PPP1R16B: variants seen among roughly 807,000 people sequenced by gnomAD.
PPP1R16B encodes the protein protein phosphatase 1 regulatory subunit 16B, also known as protein phosphatase 1 regulatory inhibitor subunit 16B.
Under a neutral mutation model 61.7 loss-of-function variants are expected in PPP1R16B, and 14 were observed. That is an observed-to-expected ratio of 0.23 (90% CI 0.15 to 0.35). The LOEUF (loss-of-function observed/expected upper bound fraction) is 0.35. Among genes scored for constraint, PPP1R16B ranks in the 10% least tolerant of loss-of-function variants. The pLI is 1.00. For synonymous variants in PPP1R16B, 266 were observed against 305.3 expected (o/e 0.87, Z 1.34); for missense variants, 547 against 752.5 (o/e 0.73, Z 3.19).
rs1215319279 is a variant in PPP1R16B at position 38,837,548 on chromosome 20, C to CT, written c.250+1384dup. 3.3e-3 allele frequency among the ~76,000 whole-genome samples: 386 copies of CT among 117,414 alleles called. 1 individual carries two copies. Among genetic ancestry groups the CT allele is most frequent in the Middle Eastern group, 5.2e-3 (1 of 192 alleles). The allele number at this position is 117,414 out of a possible 152,430, so 77.0% of individuals were successfully genotyped here. A position where few individuals can be genotyped will look rare whatever the true frequency, so the allele number is the denominator to read the frequency against. On this transcript the variant is annotated intron_variant, in intron 2 of 10. Transcript: ENST00000299824. ...CCAGATTTTTTTCTTTTTTTTTTTTCTTTTTTTTTTTGAGACAGAGTCTCA... is the reference window on the plus strand; with the variant it reads ...CCAGATTTTTTTCTTTTTTTTTTTTCTTTTTTTTTTTTGAGACAGAGTCTCA...
chr20:38,821,824 C>A (rs2084775011), intron 1 of PPP1R16B, among the ~76,000 whole-genome samples: 2 of 152,026 alleles, frequency 1.3e-5, no homozygotes, highest in Non-Finnish European at 2.9e-5. Flanking sequence ...ATTTCCAACA[C>A]CTGGGTCACC....
At chr20:38,910,081 C>T (rs192361632) in intron 10 of PPP1R16B, among the ~76,000 whole-genome samples, 3 of 151,518 alleles carry the variant, frequency 2.0e-5, no homozygotes, top group African/African-American at 4.9e-5. Flanking sequence ...CGGGTTCAAG[C>T]GATTCTCTTG....
intron 10 of PPP1R16B, among the ~76,000 whole-genome samples, chr20:38,913,181 T>G (rs1313764695): frequency 6.6e-6 from 1 of 152,156 alleles, no homozygotes; most frequent in Non-Finnish European, 1.5e-5. Context: ...TTTTTTAATC[T>G]GATGTTTAAG....
Position 38,845,076 on chromosome 20 carries a change from C to T in PPP1R16B, c.250+8901C>T, listed in dbSNP as rs576169169. Among the ~76,000 whole-genome samples the T allele has an allele frequency of 3.3e-5, 5 of 152,120 alleles. No homozygotes were observed. In the East Asian group the frequency reaches 9.6e-4, roughly 29 times the overall value. On this transcript the variant is annotated intron_variant, in intron 2 of 10. Transcript: ENST00000299824. The stretch of plus-strand genomic sequence containing the variant: ...CTACCTAAAGGAGCAGTGGCTGCCA[C>T]TCCATGCCCCTGCCATTCTGGTGCT...
chr20:38,888,850 G>A (rs903764005), intron 2 of PPP1R16B, among the ~76,000 whole-genome samples: 1 of 137,484 alleles, frequency 7.3e-6, no homozygotes. Context: ...GTTCACTCTG[G>A]CCTCCCTGCC....
intron 1 of PPP1R16B, among the ~76,000 whole-genome samples, chr20:38,808,990 A>C (rs191074072): frequency 2.0e-5 from 3 of 152,020 alleles, no homozygotes; most frequent in African/African-American, 7.2e-5. Context: ...CCGAGATCAC[A>C]TGACTGCACT....
rs2085583845 is a variant in PPP1R16B, at chr20:38,920,265, A to G, written c.*1599A>G. On this transcript the variant is annotated 3_prime_UTR_variant, in exon 11 of 11. Transcript: ENST00000299824. ...GCCAGAACCTCTTGGTGTACCCGAT[A>G]AGCTGCAGGTTATCCCTTGCTCTGT... 1 of 152,742 alleles carries G rather than the reference A, an allele frequency of 6.5e-6. No homozygotes were observed. Among genetic ancestry groups the G allele is most frequent in the African/African-American group, 2.4e-5 (1 of 41,444 alleles). The allele number at this position is 152,742 out of a possible 1,614,324, so 9.5% of individuals were successfully genotyped here.
intron 2 of PPP1R16B, among the ~76,000 whole-genome samples, chr20:38,861,927 G>T (rs758863117): frequency 2.0e-5 from 3 of 151,952 alleles, no homozygotes; most frequent in Non-Finnish European, 4.4e-5. Context: ...CACCCACCTC[G>T]GCCTCCCAAA....
At chr20:38,853,435 T>C (rs1264677121) in intron 2 of PPP1R16B, among the ~76,000 whole-genome samples, 1 of 152,220 alleles carries the variant, frequency 6.6e-6, no homozygotes, top group Non-Finnish European at 1.5e-5. Context: ...CTGCCAGTTA[T>C]GCTGGAAAAG....
At chr20:38,892,276 T>C (rs1238256404) in intron 3 of PPP1R16B, among the ~76,000 whole-genome samples, 2 of 152,116 alleles carry the variant, frequency 1.3e-5, no homozygotes, top group African/African-American at 4.8e-5. Context: ...AACTTCTTCC[T>C]TGTTGGTCAC....
chr20:38,884,790 G>A (rs531727197), intron 2 of PPP1R16B, among the ~76,000 whole-genome samples: 9 of 151,650 alleles, frequency 5.9e-5, no homozygotes, highest in South Asian at 2.1e-4. Context: ...AGAAGGCGGC[G>A]GACAGGCACA....
At chr20:38,833,740 G>C (rs1042253689) in intron 1 of PPP1R16B, among the ~76,000 whole-genome samples, 1 of 152,184 alleles carries the variant, frequency 6.6e-6, no homozygotes, top group African/African-American at 2.4e-5. Context: ...TCAGACCCTG[G>C]AACTTTTGCC....
At chr20:38,916,069 TAA>T (rs1206681598) in intron 10 of PPP1R16B, among the ~76,000 whole-genome samples, 6 of 127,928 alleles carry the variant, frequency 4.7e-5, no homozygotes, top group Non-Finnish European at 6.7e-5. Flanking sequence ...AAGGAGCCAT[TAA>T]AAAAAAAAAA....
At chr20:38,834,997 C>T (rs2145719370) in intron 1 of PPP1R16B, among the ~76,000 whole-genome samples, 1 of 152,260 alleles carries the variant, frequency 6.6e-6, no homozygotes, top group African/African-American at 2.4e-5. Flanking sequence ...TTTCATATAG[C>T]TTTGGGAACC....
rs916502865 is a variant in PPP1R16B at position 38,916,258 on chromosome 20, T to C, written c.1195-1899T>C. ...AATGGAAACTTACTATGGAAAGTGT[T>C]CTTTGCCTTATCACATATTACCATA... On this transcript the variant is annotated intron_variant, in intron 10 of 10. Coordinates refer to ENST00000299824, the MANE Select transcript of PPP1R16B (RefSeq NM_015568.4). Among the ~76,000 whole-genome samples the C allele has an allele frequency of 1.5e-4, 22 of 147,820 alleles. No homozygotes were observed. The Admixed American group carries it at 1.5e-3, about 10-fold the overall frequency.
Position 38,918,463 on chromosome 20 carries a change from C to T in PPP1R16B, c.1501C>T (p.His501Tyr). The change falls in exon 11 of 11, where the codon CAC becomes TAC. Residue 501 changes from histidine (H) to tyrosine (Y), a missense_variant. His to Tyr is a moderately conservative substitution (Grantham distance 83). Transcript: ENST00000299824. This position sits in a 1 kb window ranked among gnomAD's most constrained non-coding sequence, Gnocchi z 5.3. ...KLLSHPFLST[H>Y]LGSSMARTGE... is the part of the protein sequence containing the mutation. ...GCTCAGCCACCCCTTCCTTAGCACA[C>T]ACCTGGGCAGCAGCATGGCCAGGAC... 6.2e-7 allele frequency: 1 copy of T among 1,614,064 alleles called. No individual in the cohort carries two copies. Among genetic ancestry groups the T allele is most frequent in the Non-Finnish European group, 8.5e-7 (1 of 1,179,964 alleles).
At chr20:38,834,459 C>G (rs2084856310) in intron 1 of PPP1R16B, among the ~76,000 whole-genome samples, 1 of 152,158 alleles carries the variant, frequency 6.6e-6, no homozygotes, top group Non-Finnish European at 1.5e-5. Context: ...GTGCTGAAGA[C>G]CAGCTGGCTT....
At chr20:38,808,285 G>C (rs751141413) in intron 1 of PPP1R16B, among the ~76,000 whole-genome samples, 2 of 152,164 alleles carry the variant, frequency 1.3e-5, no homozygotes, top group African/African-American at 4.8e-5. Flanking sequence ...CAGCCAACCT[G>C]GTTTAGGAGA....
At chr20:38,914,718 G>A (rs1423530076) in intron 10 of PPP1R16B, among the ~76,000 whole-genome samples, 1 of 152,162 alleles carries the variant, frequency 6.6e-6, no homozygotes, top group Non-Finnish European at 1.5e-5. Flanking sequence ...ACTCAGGTTA[G>A]ACTGCAATGG....
Sources: gnomAD v4.1 joint callset for allele counts (sites outside exome capture counted in the v4.1 genomes callset) on GRCh38, gnomAD v4.1.1 for gene constraint, Gnocchi (gnomAD v3.1) non-coding constraint, MANE v1.5 for transcripts, NCBI Gene and HGNC (gene_info 2026-07-23, HGNC 2026-07-21) for gene names.